The following SUV39H1 variants were observed in gnomAD, a reference collection of about 807,000 sequenced individuals.
The protein encoded by SUV39H1 is histone-lysine N-methyltransferase SUV39H1.
For missense variants in SUV39H1, 180 were observed against 386.3 expected, an observed-to-expected ratio of 0.47 and a Z score of 4.48; for synonymous variants, 141 against 150.5, an observed-to-expected ratio of 0.94 and a Z score of 0.46.
At position 48,698,873 on chromosome X, in the gene SUV39H1, A is replaced by G. The variant is rs782126808; in HGVS notation, c.20-29A>G. 9 of 1,201,144 alleles carry G rather than the reference A, an allele frequency of 7.5e-6. No individual in the cohort carries two copies. In the Admixed American group the frequency reaches 2.0e-4, roughly 27 times the overall value. On this transcript the variant is annotated intron_variant, in intron 1 of 5. Coordinates refer to ENST00000376687, the MANE Select transcript of SUV39H1 (RefSeq NM_003173.4). Reference sequence around the variant, plus strand: ...TCCTGGCCTAGTCAGGCTGCCCAGTAATAGTTCTTTCTGCCCCGCTTGATC... The same window carrying G: ...TCCTGGCCTAGTCAGGCTGCCCAGTGATAGTTCTTTCTGCCCCGCTTGATC...
At chrX:48,699,751 G>A (rs2062468089) in intron 2 of SUV39H1, among the ~76,000 whole-genome samples, 1 of 111,523 alleles carries the variant, frequency 9.0e-6, no homozygotes, top group Non-Finnish European at 1.9e-5. Context: ...GGTGTCGGAA[G>A]TGTGAACAAA....
At chrX:48,705,598 C>T (rs1411162342) in intron 3 of SUV39H1, among the ~76,000 whole-genome samples, 1 of 112,572 alleles carries the variant, frequency 8.9e-6, no homozygotes, top group Non-Finnish European at 1.9e-5. Context: ...CACTGCGCAG[C>T]CCTGGGCCGA....
chrX:48,700,908 G>A (rs2062473012), intron 3 of SUV39H1, 155 bp downstream of exon 3: 2 of 680,344 alleles, frequency 2.9e-6, no homozygotes, highest in Middle Eastern at 2.9e-4. Flanking sequence ...CATTGGGCAG[G>A]GGCTAGTATT....
rs1222147546 is a variant in SUV39H1 at position 48,708,430 on chromosome X, T to C, written c.*860T>C. The C allele has an allele frequency of 8.9e-6, 1 of 112,789 alleles. No homozygotes were observed. The highest frequency in any genetic ancestry group is 1.9e-5 in the Non-Finnish European group (1 of 53,344). The allele number at this position is 112,789 out of a possible 1,213,427, so 9.3% of individuals were successfully genotyped here. A position where few individuals can be genotyped will look rare whatever the true frequency, so the allele number is the denominator to read the frequency against. ...AACCAAGATCTAGATAGTCCGTAGA[T>C]AGCACTTAGGACAAGAATGTGCATT... On this transcript the variant is annotated 3_prime_UTR_variant, in exon 6 of 6. Transcript: ENST00000376687.
Position 48,696,823 on chromosome X carries a change from G to A in SUV39H1, c.19+20G>A, listed in dbSNP as rs782239608. On this transcript the variant is annotated intron_variant, in intron 1 of 5. Coordinates refer to ENST00000376687, the MANE Select transcript of SUV39H1 (RefSeq NM_003173.4). ...TAAAAGGTGAAGCAGTGGAGGCAGAGGCGCGGGCCCGCTGGCCGGGCCGGG... is the reference window on the plus strand; with the variant it reads ...TAAAAGGTGAAGCAGTGGAGGCAGAAGCGCGGGCCCGCTGGCCGGGCCGGG... 7 of 1,114,830 alleles carry A rather than the reference G, an allele frequency of 6.3e-6. No individual in the cohort carries two copies. The East Asian group carries it at 1.2e-4, about 19-fold the overall frequency. The allele number at this position is 1,114,830 out of a possible 1,213,427, so 91.9% of individuals were successfully genotyped here.
At chrX:48,703,205 G>GT (rs2062480463) in intron 3 of SUV39H1, among the ~76,000 whole-genome samples, 1 of 112,528 alleles carries the variant, frequency 8.9e-6, no homozygotes, top group Non-Finnish European at 1.9e-5. Context: ...GGAAGACCAA[G>GT]TTTTTTTGTA....
intron 5 of SUV39H1, among the ~76,000 whole-genome samples, chrX:48,707,113 C>G (rs1354088221): frequency 8.3e-5 from 9 of 108,931 alleles, no homozygotes; most frequent in Non-Finnish European, 1.1e-4. Context: ...GCCCCTGCCC[C>G]CCCCCACACA....
intron 1 of SUV39H1, 75 bp downstream of exon 1, chrX:48,696,878 G>A: frequency 3.2e-5 from 27 of 855,536 alleles, no homozygotes; most frequent in Non-Finnish European, 4.1e-5. Context: ...TGCCGGCTCG[G>A]GGCCCCGGCG....
chrX:48,699,990 G>A, intron 2 of SUV39H1, 101 bp from the exon 3 acceptor site: 1 of 691,458 alleles, frequency 1.4e-6, no homozygotes, highest in Non-Finnish European at 2.1e-6. Flanking sequence ...GGTGGGGTGG[G>A]GTAGGTGTTA....
chrX:48,699,073 G>A (rs1456450737), intron 2 of SUV39H1, 26 bp downstream of exon 2: 1 of 1,186,703 alleles, frequency 8.4e-7, no homozygotes, highest in Non-Finnish European at 1.1e-6. Flanking sequence ...CCATGCTCTG[G>A]GAGGGGACAG....
intron 1 of SUV39H1, 66 bp from the exon 2 acceptor site, chrX:48,698,836 G>A (rs782535608): frequency 8.7e-7 from 1 of 1,145,634 alleles, no homozygotes. Flanking sequence ...AGGATTTGGG[G>A]TCCCCTTTGA....
At chrX:48,706,079 C>T (rs910966735) in intron 3 of SUV39H1, among the ~76,000 whole-genome samples, 186 bp from the exon 4 acceptor site, 9 of 113,080 alleles carry the variant, frequency 8.0e-5, no homozygotes, top group Non-Finnish European at 1.7e-4. Flanking sequence ...AGGCCTGAGG[C>T]GGGCCAGGCA....
At position 48,708,353 on chromosome X, in the gene SUV39H1, G is replaced by T. The variant is rs1419976745; in HGVS notation, c.*783G>T. 6 of 113,275 alleles carry T rather than the reference G, an allele frequency of 5.3e-5. No individual in the cohort carries two copies. The highest frequency in any genetic ancestry group is 2.8e-4 in the Admixed American group (3 of 10,839). The allele number at this position is 113,275 out of a possible 1,213,427, so 9.3% of individuals were successfully genotyped here. ...TAGGGCTCTTGGGAGCTCTGCGGTT[G>T]CTAGGGGCCCTGACCTGGGGTGTCA... On this transcript the variant is annotated 3_prime_UTR_variant, in exon 6 of 6. Coordinates refer to ENST00000376687, the MANE Select transcript of SUV39H1 (RefSeq NM_003173.4).
At position 48,705,487 on chromosome X, in the gene SUV39H1, A is replaced by G; in HGVS notation, c.829-778A>G. The G allele has an allele frequency of 6.9e-5, 8 of 115,779 alleles. No homozygotes were observed. The Middle Eastern group carries it at 5.7e-3, about 83-fold the overall frequency. 9.5% of individuals were successfully genotyped at this position (115,779 alleles called of 1,213,427 possible). A position where few individuals can be genotyped will look rare whatever the true frequency, so the allele number is the denominator to read the frequency against. ...TGTTGGCGTGGATTGGGAGGCAAGG[A>G]CAGGCTGGGGCTAGGATGGCAGCAA... On this transcript the variant is annotated intron_variant, in intron 3 of 5. Transcript: ENST00000376687.
At chrX:48,706,670 TG>T in intron 5 of SUV39H1, 43 bp downstream of exon 5, 1 of 1,165,113 alleles carries the variant, frequency 8.6e-7, no homozygotes. Context: ...CACTGTGACT[TG>T]GGACACAAGG....
intron 3 of SUV39H1, among the ~76,000 whole-genome samples, chrX:48,701,943 C>G (rs781881514): frequency 8.9e-6 from 1 of 111,902 alleles, no homozygotes; most frequent in Admixed American, 9.4e-5. Context: ...GGAACACTCA[C>G]ATGAGGGTGT....
At chrX:48,702,105 C>T (rs2062476940) in intron 3 of SUV39H1, among the ~76,000 whole-genome samples, 1 of 112,490 alleles carries the variant, frequency 8.9e-6, no homozygotes, top group Non-Finnish European at 1.9e-5. Context: ...GACAGCCACA[C>T]CCTGTCCAGA....
At chrX:48,696,550 T>TGTCGCTCCCGCTGCCGCCGCC, upstream of SUV39H1, 1 of 325,917 alleles carries the variant, frequency 3.1e-6, no homozygotes. Context: ...CTACCGCCGC[T>TGTCGCTCCCGCTGCCGCCGCC]GTCGCTCCCG....
intron 4 of SUV39H1, 41 bp downstream of exon 4, chrX:48,706,452 A>G (rs782654392): frequency 1.7e-5 from 20 of 1,200,376 alleles, no homozygotes; most frequent in Non-Finnish European, 2.3e-5. Context: ...CGAGAGGGGC[A>G]GGCTGGAGCC....
Sources: gnomAD v4.1 joint callset for allele counts (sites outside exome capture counted in the v4.1 genomes callset) on GRCh38, gnomAD v4.1.1 for gene constraint, MANE v1.5 for transcripts, NCBI Gene and HGNC (gene_info 2026-07-23, HGNC 2026-07-21) for gene names.